SYTL2: variants seen among roughly 807,000 people sequenced by gnomAD.
SYTL2 encodes synaptotagmin-like protein 2.
A neutral mutation model predicts 198.7 loss-of-function variants in SYTL2; 165 were observed. The ratio of observed to expected loss-of-function variants is 0.83; its 90% CI spans 0.73 to 0.94. The LOEUF is 0.94. Ranked by LOEUF, SYTL2 falls within the 40% of genes least tolerant of loss-of-function variation. The pLI, the probability that SYTL2 is intolerant of heterozygous loss-of-function variation, is 0.00. For missense variants in SYTL2, 2,835 were observed against 2,582.8 expected (o/e 1.10, Z -2.12); for synonymous variants, 966 against 917.7 (o/e 1.05, Z -0.95).
intron 2 of SYTL2, among the ~76,000 whole-genome samples, chr11:85,752,932 A>AC (rs2091612374): frequency 1.5e-5 from 2 of 135,632 alleles, no homozygotes; most frequent in Non-Finnish European, 3.1e-5. Flanking sequence ...AAAAAAAAAA[A>AC]AAAAAAAAAA....
the SYTL2 span, chr11:85,854,194 C>G: frequency 6.6e-6 from 1 of 151,996 alleles, no homozygotes; most frequent in South Asian, 2.1e-4. Flanking sequence ...TAAACACCTG[C>G]AATTCATTAA....
At chr11:85,810,754 G>A (rs1478800435) in intron 1 of SYTL2, among the ~76,000 whole-genome samples, 200 bp downstream of exon 1, 2 of 152,222 alleles carry the variant, frequency 1.3e-5, no homozygotes, top group Admixed American at 6.5e-5. Context: ...TGGCTCTGGA[G>A]TAGGTGGGAA....
intron 1 of SYTL2, among the ~76,000 whole-genome samples, chr11:85,759,119 G>A (rs751095096): frequency 3.3e-5 from 5 of 151,726 alleles, no homozygotes; most frequent in Non-Finnish European, 1.5e-5. Context: ...GGTGACACAC[G>A]CCTGTAATCC....
intron 1 of SYTL2, among the ~76,000 whole-genome samples, chr11:85,777,056 T>C (rs114926262): frequency 1.1e-3 from 168 of 152,342 alleles, no homozygotes; most frequent in African/African-American, 3.9e-3. Flanking sequence ...GACAGCATAG[T>C]ACAGCTTTGG....
At chr11:85,826,918 A>C in the SYTL2 span, among the ~76,000 whole-genome samples, 1 of 152,236 alleles carries the variant, frequency 6.6e-6, no homozygotes, top group East Asian at 1.9e-4. Flanking sequence ...GTTCTGTGAA[A>C]AACAGGCTAG....
chr11:85,757,093 A>C (rs963726717), intron 2 of SYTL2, among the ~76,000 whole-genome samples: 1 of 152,240 alleles, frequency 6.6e-6, no homozygotes, highest in Non-Finnish European at 1.5e-5. Flanking sequence ...AGTGTATCAA[A>C]GTTGCCACTC....
chr11:85,788,953 A>G (rs2092680023), intron 1 of SYTL2, among the ~76,000 whole-genome samples: 3 of 151,648 alleles, frequency 2.0e-5, no homozygotes, highest in African/African-American at 7.3e-5. Context: ...CAAAAATAGA[A>G]TATCATTCCA....
rs1490806409 is a variant in SYTL2, at chr11:85,711,141, C to T, written c.5717G>A (p.Ser1906Asn). 1.9e-6 allele frequency: 3 copies of T among 1,613,984 alleles called. No individual in the cohort carries two copies. The highest frequency in any genetic ancestry group is 3.3e-5 in the Admixed American group (2 of 60,002). ...KSPSSLTNLSSSSGMTSLSSV... is the reference protein window; with the variant it reads ...KSPSSLTNLSNSSGMTSLSSV... The stretch of plus-strand genomic sequence containing the variant: ...AGACAAGGACGTCATGCCAGAGGAG[C>T]TGCTAAGATTGGTTAAAGAGCTCGG... Residue 1906 changes from serine to asparagine, a missense_variant, in exon 13 of 20, where the codon AGC (serine) becomes AAC (asparagine). Physicochemically the swap from Ser to Asn is conservative, Grantham distance 46 (BLOSUM62 1). Coordinates refer to ENST00000359152, the MANE Select transcript of SYTL2 (RefSeq NM_206927.4).
chr11:85,822,706 A>ATT, the SYTL2 span, among the ~76,000 whole-genome samples: 1 of 152,242 alleles, frequency 6.6e-6, no homozygotes, highest in African/African-American at 2.4e-5. Flanking sequence ...ACAAGAAGGA[A>ATT]TCCCAAGGAA....
intron 1 of SYTL2, among the ~76,000 whole-genome samples, chr11:85,809,348 G>C (rs2093001544): frequency 6.6e-6 from 1 of 152,172 alleles, no homozygotes; most frequent in Admixed American, 6.5e-5. Flanking sequence ...AGGCCTTCTA[G>C]AACAGTACTG....
At chr11:85,775,102 T>G (rs1435409502) in intron 1 of SYTL2, among the ~76,000 whole-genome samples, 1 of 152,192 alleles carries the variant, frequency 6.6e-6, no homozygotes, top group Admixed American at 6.5e-5. Context: ...GAGAAAAATG[T>G]CACCCTGCTG....
chr11:85,798,763 T>C (rs10898410), intron 1 of SYTL2, among the ~76,000 whole-genome samples: 68,058 of 152,028 alleles, frequency 0.45, 15,959 homozygotes, highest in African/African-American at 0.58. Context: ...CCAACCAGAC[T>C]GTTCATTAGA....
chr11:85,695,475 C>G (rs890162886), intron 19 of SYTL2, 135 bp from the exon 20 acceptor site: 1 of 602,180 alleles, frequency 1.7e-6, no homozygotes, highest in African/African-American at 1.8e-5. Flanking sequence ...AGATGTGAGA[C>G]TCAACATAAG....
chr11:85,710,360 A>G (rs2086037464), intron 13 of SYTL2, among the ~76,000 whole-genome samples: 1 of 152,242 alleles, frequency 6.6e-6, no homozygotes, highest in South Asian at 2.1e-4. Flanking sequence ...GATTTTTATC[A>G]GCAGAAACTC....
intron 18 of SYTL2, 119 bp from the exon 19 acceptor site, chr11:85,696,507 G>C (rs2083431878): frequency 4.9e-6 from 4 of 812,896 alleles, no homozygotes; most frequent in Non-Finnish European, 8.0e-6. Flanking sequence ...TGGAGAGATA[G>C]TGGTGGTGGT....
intron 1 of SYTL2, among the ~76,000 whole-genome samples, chr11:85,768,814 C>T (rs903405316): frequency 6.6e-6 from 1 of 152,098 alleles, no homozygotes; most frequent in African/African-American, 2.4e-5. Flanking sequence ...GGATCTCATT[C>T]TTCAAACACA....
chr11:85,710,427 G>A (rs2086047937), intron 13 of SYTL2, among the ~76,000 whole-genome samples: 1 of 152,130 alleles, frequency 6.6e-6, no homozygotes, highest in Non-Finnish European at 1.5e-5. Flanking sequence ...AAGAATTTAA[G>A]CACAGTTTTA....
chr11:85,744,110 C>G (rs966312834), intron 4 of SYTL2, among the ~76,000 whole-genome samples: 1 of 151,940 alleles, frequency 6.6e-6, no homozygotes, highest in Non-Finnish European at 1.5e-5. Flanking sequence ...GGGGAGTCAC[C>G]CAGGGGGACA....
chr11:85,780,953 T>C (rs2092549457), intron 1 of SYTL2, among the ~76,000 whole-genome samples: 1 of 152,166 alleles, frequency 6.6e-6, no homozygotes, highest in African/African-American at 2.4e-5. Flanking sequence ...ACCCAGCTGG[T>C]GTTTGCTGTA....
Sources: gnomAD v4.1 joint callset for allele counts (sites outside exome capture counted in the v4.1 genomes callset) on GRCh38, gnomAD v4.1.1 for gene constraint, MANE v1.5 for transcripts, NCBI Gene and HGNC (gene_info 2026-07-23, HGNC 2026-07-21) for gene names.